The following GMDS variants were observed in gnomAD, a reference collection of about 807,000 sequenced individuals.
GMDS encodes GDP-mannose 4,6-dehydratase.
A neutral mutation model predicts 49.9 loss-of-function variants in GMDS; 20 were observed. The ratio of observed to expected loss-of-function variants is 0.40; its 90% CI spans 0.28 to 0.58. The LOEUF (loss-of-function observed/expected upper bound fraction) is 0.58. Among genes scored for constraint, GMDS ranks in the 20% least tolerant of loss-of-function variants. The pLI is 0.42. For synonymous variants in GMDS, 177 were observed against 178.6 expected (o/e 0.99, Z 0.07); for missense variants, 362 against 481.4 (o/e 0.75, Z 2.32).
Position 1,801,189 on chromosome 6 carries a change from G to C in GMDS, c.772-58603C>G, listed in dbSNP as rs146267861. Among the ~76,000 whole-genome samples, 676 of 152,322 alleles carry C rather than the reference G, an allele frequency of 4.4e-3. 2 individuals carry two copies. Among genetic ancestry groups the C allele is most frequent in the African/African-American group, 0.015 (642 of 41,568 alleles). The stretch of plus-strand genomic sequence containing the variant: ...GCACCGAAATTACCTTTCAGGAACA[G>C]AGAAATATTCTGTGAGGAAGCTATG... On this transcript the variant is annotated intron_variant, in intron 7 of 10. Transcript: ENST00000380815.
At chr6:2,069,436 G>C (rs1771839257) in intron 4 of GMDS, among the ~76,000 whole-genome samples, 1 of 151,910 alleles carries the variant, frequency 6.6e-6, no homozygotes, top group South Asian at 2.1e-4. Flanking sequence ...TTAAACTAAA[G>C]AGCTTCTGCA....
At chr6:1,937,812 TCA>T (rs1336659649) in intron 6 of GMDS, among the ~76,000 whole-genome samples, 1 of 152,218 alleles carries the variant, frequency 6.6e-6, no homozygotes, top group African/African-American at 2.4e-5. Flanking sequence ...ATCAACAGGT[TCA>T]GATATTAGGA....
chr6:1,773,394 C>T (rs1368439828), intron 7 of GMDS, among the ~76,000 whole-genome samples: 1 of 151,998 alleles, frequency 6.6e-6, no homozygotes, highest in African/African-American at 2.4e-5. Context: ...GAATGTTTAG[C>T]GCTCAGCAAT....
chr6:2,226,429 G>A (rs924661929), intron 1 of GMDS, among the ~76,000 whole-genome samples: 5 of 152,088 alleles, frequency 3.3e-5, no homozygotes, highest in East Asian at 1.9e-4. Context: ...CTAAATTTTC[G>A]CATTACTGTG....
At chr6:2,211,835 G>C (rs532125023) in intron 1 of GMDS, among the ~76,000 whole-genome samples, 1 of 152,110 alleles carries the variant, frequency 6.6e-6, no homozygotes, top group African/African-American at 2.4e-5. Context: ...CCAAGTTTAC[G>C]ACTTCCAGTC....
At chr6:1,949,582 T>C (rs1047627850) in intron 6 of GMDS, among the ~76,000 whole-genome samples, 6 of 152,208 alleles carry the variant, frequency 3.9e-5, no homozygotes, top group Admixed American at 3.9e-4. Flanking sequence ...GCTTCAAAAG[T>C]CTTTTATGTT....
At chr6:2,003,046 A>C (rs1766928690) in intron 4 of GMDS, among the ~76,000 whole-genome samples, 1 of 152,178 alleles carries the variant, frequency 6.6e-6, no homozygotes, top group Admixed American at 6.5e-5. Flanking sequence ...ACTGGCTACC[A>C]CAAGATCATC....
intron 1 of GMDS, among the ~76,000 whole-genome samples, chr6:2,150,316 G>A (rs1482324306): frequency 6.6e-6 from 1 of 152,172 alleles, no homozygotes; most frequent in Non-Finnish European, 1.5e-5. Flanking sequence ...TTGGGAGGCT[G>A]AGGTGGGACC....
chr6:1,943,467 A>C (rs1296838944), intron 6 of GMDS, among the ~76,000 whole-genome samples: 3 of 152,222 alleles, frequency 2.0e-5, no homozygotes, highest in Non-Finnish European at 4.4e-5. Context: ...AACACAGTAT[A>C]TAACACATGA....
intron 4 of GMDS, among the ~76,000 whole-genome samples, chr6:1,985,269 T>C (rs538364507): frequency 2.5e-4 from 38 of 152,184 alleles, no homozygotes; most frequent in African/African-American, 6.7e-4. Context: ...AATATAGAAC[T>C]AGTTCTGGAC....
intron 1 of GMDS, among the ~76,000 whole-genome samples, chr6:2,152,379 T>C (rs1426212086): frequency 2.0e-5 from 3 of 152,154 alleles, no homozygotes; most frequent in Non-Finnish European, 4.4e-5. Flanking sequence ...ATTGATGATA[T>C]AACTGTATAC....
intron 7 of GMDS, among the ~76,000 whole-genome samples, chr6:1,835,710 T>C (rs191761329): frequency 2.8e-4 from 42 of 152,250 alleles, no homozygotes; most frequent in Non-Finnish European, 5.0e-4. Flanking sequence ...TGAATAAAAC[T>C]GCACATAATA....
chr6:1,683,126 C>A (rs528016260), intron 9 of GMDS, among the ~76,000 whole-genome samples: 1 of 152,098 alleles, frequency 6.6e-6, no homozygotes, highest in Non-Finnish European at 1.5e-5. Context: ...CTCTAGGTTT[C>A]TTTTGTTTGT....
chr6:1,693,996 A>T (rs565490904), intron 9 of GMDS, among the ~76,000 whole-genome samples: 3 of 152,382 alleles, frequency 2.0e-5, no homozygotes, highest in Admixed American at 2.0e-4. Flanking sequence ...GACAGGGCTG[A>T]GTTGAAAACA....
chr6:1,938,796 C>A (rs1762667451), intron 6 of GMDS, among the ~76,000 whole-genome samples: 1 of 152,030 alleles, frequency 6.6e-6, no homozygotes, highest in African/African-American at 2.4e-5. Context: ...CTTTTACTTT[C>A]TACTCTCTTA....
At chr6:2,223,772 C>T (rs1780701936) in intron 1 of GMDS, among the ~76,000 whole-genome samples, 1 of 152,096 alleles carries the variant, frequency 6.6e-6, no homozygotes, top group Non-Finnish European at 1.5e-5. Flanking sequence ...TAGGAGATGT[C>T]TATGAAATAC....
At chr6:1,846,185 C>A (rs886966964) in intron 7 of GMDS, among the ~76,000 whole-genome samples, 5 of 151,586 alleles carry the variant, frequency 3.3e-5, no homozygotes, top group African/African-American at 1.2e-4. Context: ...CTCAACCTCC[C>A]AGGCTCAAGT....
chr6:1,790,000 C>T (rs1053909306), intron 7 of GMDS, among the ~76,000 whole-genome samples: 4 of 152,248 alleles, frequency 2.6e-5, no homozygotes, highest in African/African-American at 4.8e-5. Context: ...TTCCCCATCT[C>T]GTATTCATAA....
At chr6:1,624,829 T>C (rs1378186566) in intron 9 of GMDS, 8,915 of 62,418 alleles carry the variant, frequency 0.14, 573 homozygotes, top group African/African-American at 0.2. Context: ...TCTTAATGCT[T>C]TTTTTTTTTT....
Sources: allele counts gnomAD v4.1 joint callset (sites outside exome capture counted in the v4.1 genomes callset), GRCh38; gene constraint gnomAD v4.1.1; transcripts MANE v1.5; gene names NCBI Gene and HGNC (gene_info 2026-07-23, HGNC 2026-07-21).